MMP16: variants seen among roughly 807,000 people sequenced by gnomAD.
The protein encoded by MMP16 is matrix metalloproteinase-16.
Under a neutral mutation model 67.8 loss-of-function variants are expected in MMP16, and 12 were observed. That is an observed-to-expected ratio of 0.18 (90% CI 0.11 to 0.29). The LOEUF (loss-of-function observed/expected upper bound fraction) is 0.29. Among genes scored for constraint, MMP16 ranks in the 10% least tolerant of loss-of-function variants. MMP16 has a pLI of 1.00. For missense variants in MMP16, 475 were observed against 765.7 expected (o/e 0.62, Z 4.48); for synonymous variants, 249 against 255.9 (o/e 0.97, Z 0.26).
At chr8:88,090,300 T>C (rs1265335115) in intron 6 of MMP16, among the ~76,000 whole-genome samples, 2 of 151,946 alleles carry the variant, frequency 1.3e-5, no homozygotes, top group African/African-American at 4.8e-5. Context: ...TATTGATTAT[T>C]GTGTAAAGCA....
intron 1 of MMP16, among the ~76,000 whole-genome samples, chr8:88,299,391 T>A (rs1039422424): frequency 5.3e-5 from 8 of 152,130 alleles, no homozygotes; most frequent in Non-Finnish European, 1.5e-5. Context: ...ATCCTCAATC[T>A]GGATCCCATC....
chr8:88,190,406 G>A (rs181387401), intron 2 of MMP16, among the ~76,000 whole-genome samples: 85 of 152,208 alleles, frequency 5.6e-4, no homozygotes, highest in Non-Finnish European at 1.1e-3. Context: ...TTCATAAGCA[G>A]GCAGGTTCTT....
intron 6 of MMP16, among the ~76,000 whole-genome samples, chr8:88,075,938 T>TAC (rs71556442): frequency 0.025 from 3,537 of 140,434 alleles, 104 homozygotes; most frequent in African/African-American, 0.071. Flanking sequence ...CATATATTCA[T>TAC]ACACACACAC....
In MMP16 at chr8:88,112,666, G is replaced by GGTGTGTGTGT. The variant is rs6150692; in HGVS notation, c.1083+3831_1083+3840dup. Among the ~76,000 whole-genome samples the GGTGTGTGTGT allele has an allele frequency of 6.3e-3, 926 of 146,900 alleles. 3 individuals carry two copies. Among genetic ancestry groups the GGTGTGTGTGT allele is most frequent in the Middle Eastern group, 0.021 (6 of 292 alleles). On this transcript the variant is annotated intron_variant, in intron 6 of 9. Coordinates refer to ENST00000286614, the MANE Select transcript of MMP16 (RefSeq NM_005941.5). ...AATTTTTCATGCATAAGGACAGAAG[G>GGTGTGTGTGT]GTGTGTGTGTGTGTGTGTCTGTGTG... is the stretch of plus-strand genomic sequence containing the variant.
intron 1 of MMP16, among the ~76,000 whole-genome samples, chr8:88,323,014 C>T (rs557083652): frequency 1.3e-5 from 2 of 152,192 alleles, no homozygotes; most frequent in East Asian, 3.9e-4. Context: ...TGCAATCTTG[C>T]GGTACATAAA....
intron 1 of MMP16, among the ~76,000 whole-genome samples, chr8:88,208,487 T>A (rs1809463192): frequency 6.6e-6 from 1 of 152,144 alleles, no homozygotes; most frequent in African/African-American, 2.4e-5. Context: ...AAGAACCCCA[T>A]AAATCCAACA....
intron 1 of MMP16, among the ~76,000 whole-genome samples, chr8:88,295,046 C>T (rs1810991402): frequency 6.6e-6 from 1 of 152,168 alleles, no homozygotes; most frequent in African/African-American, 2.4e-5. Context: ...CAATGAAATC[C>T]ATATCCACTT....
chr8:88,284,488 C>T (rs1405831547), intron 1 of MMP16, among the ~76,000 whole-genome samples: 1 of 151,686 alleles, frequency 6.6e-6, no homozygotes, highest in Non-Finnish European at 1.5e-5. Flanking sequence ...GCTATGCAAA[C>T]AAAGAGTGGT....
intron 1 of MMP16, among the ~76,000 whole-genome samples, chr8:88,263,970 G>C (rs1397201277): frequency 1.0e-5 from 1 of 99,200 alleles, no homozygotes; most frequent in African/African-American, 3.6e-5. Context: ...TAGAGAGAGA[G>C]AGAAAGAGAG....
At chr8:88,159,698 C>T (rs1808579299) in intron 4 of MMP16, among the ~76,000 whole-genome samples, 1 of 152,100 alleles carries the variant, frequency 6.6e-6, no homozygotes, top group Admixed American at 6.6e-5. Flanking sequence ...GAGGGCATCC[C>T]TGTCTTGTGC....
chr8:88,114,792 A>T (rs966101829), intron 6 of MMP16, among the ~76,000 whole-genome samples: 3 of 152,008 alleles, frequency 2.0e-5, no homozygotes, highest in Non-Finnish European at 4.4e-5. Context: ...AATTCAAGAT[A>T]ACCTCAGAGT....
intron 1 of MMP16, among the ~76,000 whole-genome samples, chr8:88,282,082 TG>T (rs113575777): frequency 0.78 from 91,248 of 116,802 alleles, 35,765 homozygotes; most frequent in East Asian, 0.94. Flanking sequence ...TTTTCTTTTT[TG>T]GGGGGGGGGG....
At chr8:88,299,325 A>G (rs941232890) in intron 1 of MMP16, among the ~76,000 whole-genome samples, 4 of 152,206 alleles carry the variant, frequency 2.6e-5, no homozygotes, top group Admixed American at 1.3e-4. Context: ...GGCAAAAAAA[A>G]GAAAGTACAC....
At chr8:88,219,208 T>C (rs1809640311) in intron 1 of MMP16, among the ~76,000 whole-genome samples, 1 of 151,948 alleles carries the variant, frequency 6.6e-6, no homozygotes, top group Admixed American at 6.6e-5. Flanking sequence ...TAGCCAAGCA[T>C]GACCTCACAA....
intron 4 of MMP16, among the ~76,000 whole-genome samples, chr8:88,153,403 A>G (rs1021805762): frequency 1.5e-3 from 233 of 152,258 alleles, no homozygotes; most frequent in Non-Finnish European, 2.6e-3. Flanking sequence ...AGCCCGCATC[A>G]CCAAGTCAAC....
intron 1 of MMP16, among the ~76,000 whole-genome samples, chr8:88,266,714 A>G (rs1810482590): frequency 6.8e-6 from 1 of 147,986 alleles, no homozygotes; most frequent in African/African-American, 2.6e-5. Flanking sequence ...AAAAACACAG[A>G]AAAAAAAAAT....
At chr8:88,104,425 A>G (rs1809199370) in intron 6 of MMP16, among the ~76,000 whole-genome samples, 1 of 151,610 alleles carries the variant, frequency 6.6e-6, no homozygotes, top group Admixed American at 6.6e-5. Flanking sequence ...TTAATGATGT[A>G]CCACCTACAA....
At chr8:88,301,720 G>A (rs1811102552) in intron 1 of MMP16, among the ~76,000 whole-genome samples, 1 of 152,138 alleles carries the variant, frequency 6.6e-6, no homozygotes, top group Non-Finnish European at 1.5e-5. Context: ...AAACACCTTT[G>A]CTATTGAGGA....
At chr8:88,278,650 T>G (rs1330736815) in intron 1 of MMP16, among the ~76,000 whole-genome samples, 1 of 152,122 alleles carries the variant, frequency 6.6e-6, no homozygotes, top group Admixed American at 6.6e-5. Flanking sequence ...TGAAGAGGAT[T>G]TTGTACATAA....
Sources: gnomAD v4.1 joint callset for allele counts (sites outside exome capture counted in the v4.1 genomes callset) on GRCh38, gnomAD v4.1.1 for gene constraint, MANE v1.5 for transcripts, NCBI Gene and HGNC (gene_info 2026-07-23, HGNC 2026-07-21) for gene names.